ULK4: variants seen among roughly 807,000 people sequenced by gnomAD.
ULK4 encodes the protein inactive serine/threonine-protein kinase ULK4.
Under a neutral mutation model 160.6 loss-of-function variants are expected in ULK4, and 133 were observed. The observed-to-expected ratio is 0.83, with a 90% CI of 0.72 to 0.96. The LOEUF (loss-of-function observed/expected upper bound fraction) is 0.96. ULK4 is among the 40% of genes least tolerant of loss of function. ULK4 has a pLI of 0.00. For missense variants in ULK4, 1,580 were observed against 1,499.5 expected (o/e 1.05, Z -0.89); for synonymous variants, 534 against 539.8 (o/e 0.99, Z 0.15).
chr3:41,561,378 T>C (rs1426337584), intron 32 of ULK4, among the ~76,000 whole-genome samples: 1 of 152,220 alleles, frequency 6.6e-6, no homozygotes, highest in Non-Finnish European at 1.5e-5. Flanking sequence ...GCTAGCATCA[T>C]ACAATGAGTT....
At chr3:41,791,763 G>A (rs763611012) in intron 20 of ULK4, among the ~76,000 whole-genome samples, 2 of 152,052 alleles carry the variant, frequency 1.3e-5, no homozygotes, top group African/African-American at 2.4e-5. Flanking sequence ...TGCCATTTCT[G>A]AAATAAACAA....
chr3:41,715,821 A>G (rs1445772522), intron 23 of ULK4, among the ~76,000 whole-genome samples: 2 of 150,656 alleles, frequency 1.3e-5, no homozygotes, highest in East Asian at 3.9e-4. Flanking sequence ...AATTTAATAA[A>G]TTATTATAAT....
chr3:41,723,220 G>C (rs2037534654), intron 22 of ULK4, among the ~76,000 whole-genome samples: 1 of 152,084 alleles, frequency 6.6e-6, no homozygotes, highest in Non-Finnish European at 1.5e-5. Flanking sequence ...GAAGGGAAAA[G>C]AGGAATTATG....
At chr3:41,427,528 A>G (rs1418880577) in intron 34 of ULK4, among the ~76,000 whole-genome samples, 1 of 152,216 alleles carries the variant, frequency 6.6e-6, no homozygotes, top group Non-Finnish European at 1.5e-5. Context: ...TCAACAAAAT[A>G]CTGGCAAACC....
In ULK4 at chr3:41,378,117, T is replaced by G. The variant is rs199536339; in HGVS notation, c.3678+19962A>C. ...GAAATCATCATTGTCAGTAAACTAT[T>G]GCAAGAACAAAAAACCAAACACCAC... On this transcript the variant is annotated intron_variant, in intron 35 of 36. Coordinates refer to ENST00000301831, the MANE Select transcript of ULK4 (RefSeq NM_017886.4). 3.3e-5 allele frequency among the ~76,000 whole-genome samples: 5 copies of G among 149,684 alleles called. No homozygotes were observed. In the East Asian group the frequency reaches 8.1e-4, roughly 24 times the overall value.
intron 35 of ULK4, among the ~76,000 whole-genome samples, chr3:41,351,077 T>C (rs1175795013): frequency 1.3e-5 from 2 of 152,202 alleles, no homozygotes; most frequent in African/African-American, 4.8e-5. Context: ...GGCTTTCCTT[T>C]CCACTCCACA....
chr3:41,296,902 G>C (rs1163933584), intron 35 of ULK4, among the ~76,000 whole-genome samples: 1 of 142,710 alleles, frequency 7.0e-6, no homozygotes, highest in Admixed American at 7.4e-5. Context: ...AAAGAGGGCA[G>C]AAGTGACAGA....
At chr3:41,439,032 T>C (rs1199379385) in intron 34 of ULK4, among the ~76,000 whole-genome samples, 2 of 147,986 alleles carry the variant, frequency 1.4e-5, no homozygotes, top group African/African-American at 5.0e-5. Context: ...AATCGGACTA[T>C]CAATCCAGGT....
chr3:41,261,466 A>C (rs1166872641), intron 35 of ULK4, among the ~76,000 whole-genome samples: 1 of 152,132 alleles, frequency 6.6e-6, no homozygotes, highest in African/African-American at 2.4e-5. Context: ...ATCCCTTGAG[A>C]CCACGGCATC....
In ULK4 at chr3:41,375,771, C is replaced by T. The variant is rs376307622; in HGVS notation, c.3678+22308G>A. ...AAAGCAATGGCAACAAAAGCCAAAA[C>T]TGACAAATGGGATCTAATTAAACTA... On this transcript the variant is annotated intron_variant, in intron 35 of 36. Transcript: ENST00000301831. Among the ~76,000 whole-genome samples, 44 of 150,206 alleles carry T rather than the reference C, an allele frequency of 2.9e-4. 7 individuals are homozygous for T. The South Asian group carries it at 9.2e-3, about 31-fold the overall frequency.
At chr3:41,806,777 T>A (rs2040655803) in intron 19 of ULK4, among the ~76,000 whole-genome samples, 1 of 152,168 alleles carries the variant, frequency 6.6e-6, no homozygotes, top group South Asian at 2.1e-4. Context: ...AGAAAAAGCA[T>A]TAAATCAAGC....
At chr3:41,497,313 T>C (rs937810485) in intron 32 of ULK4, among the ~76,000 whole-genome samples, 1 of 151,934 alleles carries the variant, frequency 6.6e-6, no homozygotes, top group Admixed American at 6.6e-5. Flanking sequence ...TCTATAGAAA[T>C]TGCTCAACTT....
intron 32 of ULK4, among the ~76,000 whole-genome samples, chr3:41,508,743 C>G (rs1320794403): frequency 6.6e-6 from 1 of 152,102 alleles, no homozygotes; most frequent in Non-Finnish European, 1.5e-5. Context: ...CAGGTTGGCT[C>G]TCAGGAGGCC....
At chr3:41,439,519 G>C (rs1282633490) in intron 34 of ULK4, among the ~76,000 whole-genome samples, 1 of 152,132 alleles carries the variant, frequency 6.6e-6, no homozygotes, top group Non-Finnish European at 1.5e-5. Flanking sequence ...GCTTTCTTGA[G>C]TGATAACTGA....
At chr3:41,932,428 C>T (rs1166330428) in intron 4 of ULK4, among the ~76,000 whole-genome samples, 3 of 152,152 alleles carry the variant, frequency 2.0e-5, no homozygotes, top group Non-Finnish European at 4.4e-5. Flanking sequence ...GGATTTTAGA[C>T]CCAGGTCCAC....
At chr3:41,579,683 G>A (rs918882730) in intron 31 of ULK4, among the ~76,000 whole-genome samples, 47 of 151,710 alleles carry the variant, frequency 3.1e-4, no homozygotes, top group Admixed American at 1.7e-3. Flanking sequence ...TAGTAGAGAC[G>A]GGGTTTCACC....
Position 41,776,665 on chromosome 3 carries a change from A to T in ULK4, c.2193+12996T>A, listed in dbSNP as rs573773173. 2.7e-4 allele frequency among the ~76,000 whole-genome samples: 30 copies of T among 112,500 alleles called. 1 individual carries two copies. Among genetic ancestry groups the T allele is most frequent in the African/African-American group, 9.6e-4 (30 of 31,136 alleles). The allele number at this position is 112,500 out of a possible 152,430, so 73.8% of individuals were successfully genotyped here. On this transcript the variant is annotated intron_variant, in intron 21 of 36. Transcript: ENST00000301831. ...GAATTTTGTCAAAGGCTTTTTCTGC[A>T]TCTATTGAGATAATCATGTGGTTTT...
intron 34 of ULK4, among the ~76,000 whole-genome samples, chr3:41,426,163 A>G (rs1254993237): frequency 6.6e-6 from 1 of 152,216 alleles, no homozygotes; most frequent in East Asian, 1.9e-4. Context: ...TAAACCAACA[A>G]AGATCAAAAC....
At chr3:41,416,916 G>A (rs1280085281) in intron 34 of ULK4, among the ~76,000 whole-genome samples, 1 of 152,162 alleles carries the variant, frequency 6.6e-6, no homozygotes, top group Non-Finnish European at 1.5e-5. Context: ...AGAGTCGGGG[G>A]TAGGACACCC....
Sources: gnomAD v4.1 joint callset for allele counts (sites outside exome capture counted in the v4.1 genomes callset) on GRCh38, gnomAD v4.1.1 for gene constraint, MANE v1.5 for transcripts, NCBI Gene and HGNC (gene_info 2026-07-23, HGNC 2026-07-21) for gene names.